SLC45A4: variants seen among roughly 807,000 people sequenced by gnomAD.
The protein encoded by SLC45A4 is polyamine-transporter SLC45A4.
In SLC45A4, 32 loss-of-function variants were observed where a neutral mutation model predicts 63.7. The ratio of observed to expected loss-of-function variants is 0.50; its 90% confidence interval spans 0.38 to 0.67. The LOEUF (loss-of-function observed/expected upper bound fraction) is 0.67. Among genes scored for constraint, SLC45A4 ranks in the 30% least tolerant of loss-of-function variants. SLC45A4 has a pLI of 0.00. For missense variants in SLC45A4, 1,027 were observed against 1,157.7 expected (o/e 0.89, Z 1.64); for synonymous variants, 535 against 510.0 (o/e 1.05, Z -0.66).
intron 4 of SLC45A4, 122 bp downstream of exon 4, chr8:141,219,528 C>T: frequency 8.0e-7 from 1 of 1,255,340 alleles, no homozygotes; most frequent in Non-Finnish European, 1.1e-6. Flanking sequence ...ACCCTGCCCA[C>T]TGCCTCAACC....
At chr8:141,280,295 C>G (rs1829886039) in intron 1 of SLC45A4, among the ~76,000 whole-genome samples, 1 of 152,186 alleles carries the variant, frequency 6.6e-6, no homozygotes, top group African/African-American at 2.4e-5. Flanking sequence ...TCCTGGATCC[C>G]TGATGGCCAG....
chr8:141,259,733 C>T (rs1563654129), intron 1 of SLC45A4, among the ~76,000 whole-genome samples: 1 of 152,200 alleles, frequency 6.6e-6, no homozygotes, highest in Non-Finnish European at 1.5e-5. Context: ...ACCCTCATCC[C>T]CCGCTTTCAT....
rs1047401674 is a variant in SLC45A4 at position 141,209,061 on chromosome 8, C to A, written c.*2511G>T. 6.5e-6 allele frequency: 1 copy of A among 152,680 alleles called. No homozygotes were observed. The highest frequency in any genetic ancestry group is 2.4e-5 in the African/African-American group (1 of 41,462). 9.5% of individuals were successfully genotyped at this position (152,680 alleles called of 1,614,324 possible). ...ACGAGCCCAACTCCAGCTGCGTCCTCAGCACTGGATGGCTGGCCAGCTTCC... is the reference window on the plus strand; with the variant it reads ...ACGAGCCCAACTCCAGCTGCGTCCTAAGCACTGGATGGCTGGCCAGCTTCC... On this transcript the variant is annotated 3_prime_UTR_variant, in exon 9 of 9. Coordinates refer to ENST00000517878, the MANE Select transcript of SLC45A4 (RefSeq NM_001286646.2).
chr8:141,299,238 C>G (rs1350567948), intron 1 of SLC45A4, among the ~76,000 whole-genome samples: 1 of 152,238 alleles, frequency 6.6e-6, no homozygotes, highest in Admixed American at 6.5e-5. Context: ...TCCCTGCACC[C>G]CACCCACAAC....
chr8:141,241,018 C>T (rs975978311), intron 2 of SLC45A4, among the ~76,000 whole-genome samples: 2 of 152,246 alleles, frequency 1.3e-5, no homozygotes, highest in African/African-American at 4.8e-5. Context: ...TCCCGCTCTC[C>T]CCGCTTTGGG....
chr8:141,259,460 C>T (rs1024943752), intron 1 of SLC45A4, among the ~76,000 whole-genome samples: 1 of 152,220 alleles, frequency 6.6e-6, no homozygotes, highest in Admixed American at 6.5e-5. Flanking sequence ...TGCACCCTTC[C>T]GTCTCTCCCC....
intron 1 of SLC45A4, among the ~76,000 whole-genome samples, chr8:141,273,408 G>C (rs1481209007): frequency 2.6e-5 from 4 of 152,164 alleles, no homozygotes; most frequent in Non-Finnish European, 4.4e-5. Flanking sequence ...AAAATCAAGC[G>C]CCAGTATCAA....
At position 141,213,894 on chromosome 8, in the gene SLC45A4, AG is replaced by A. The variant is rs777591332; in HGVS notation, c.1942-1339del. On this transcript the variant is annotated intron_variant, in intron 7 of 8. Coordinates refer to ENST00000517878, the MANE Select transcript of SLC45A4 (RefSeq NM_001286646.2). ...GTGCAGATGAAATGGACACATTCTC[AG>A]AAAAACACAAATTAAAGCATCATAC... is the stretch of plus-strand genomic sequence containing the variant. 3.0e-3 allele frequency among the ~76,000 whole-genome samples: 463 copies of A among 152,376 alleles called. 1 individual carries two copies. The highest frequency in any genetic ancestry group is 4.6e-3 in the Non-Finnish European group (310 of 68,040).
Position 141,254,129 on chromosome 8 carries a change from T to C in SLC45A4, c.101A>G (p.Glu34Gly). The change falls in exon 2 of 9, where the codon GAG (glutamate) becomes GGG (glycine). Residue 34 changes from glutamate to glycine, a missense_variant. Coordinates refer to ENST00000517878, the MANE Select transcript of SLC45A4 (RefSeq NM_001286646.2). The surrounding 1 kb of genome is among the most constrained non-coding windows in gnomAD (Gnocchi z 4.5). ...DPQKAGGAEA[E>G]NCETISEGSI... ...CCCCTCGCTGATGGTCTCGCAGTTCTCGGCCTCTGCGCCTCCGGCTTTCTG... is the reference window on the plus strand; with the variant it reads ...CCCCTCGCTGATGGTCTCGCAGTTCCCGGCCTCTGCGCCTCCGGCTTTCTG... The C allele has an allele frequency of 6.5e-7, 1 of 1,536,192 alleles. No homozygotes were observed. The highest frequency in any genetic ancestry group is 1.2e-5 in the South Asian group (1 of 84,064).
chr8:141,298,972 G>A lies in SLC45A4; in HGVS notation c.-401+9124C>T, dbSNP rs112404734. On this transcript the variant is annotated intron_variant, in intron 1 of 8. Coordinates refer to ENST00000517878, the MANE Select transcript of SLC45A4 (RefSeq NM_001286646.2). The stretch of plus-strand genomic sequence containing the variant: ...CAACTGCACTAGGCCGGCCGTATCC[G>A]GTGGCTCCTCTCCCTCACCAGTGCC... Among the ~76,000 whole-genome samples, 9 of 152,308 alleles carry A rather than the reference G, an allele frequency of 5.9e-5. 1 individual carries two copies. Among genetic ancestry groups the A allele is most frequent in the East Asian group, 1.9e-4 (1 of 5,184 alleles).
At chr8:141,246,643 G>A (rs548297571) in intron 2 of SLC45A4, among the ~76,000 whole-genome samples, 14 of 20,756 alleles carry the variant, frequency 6.7e-4, no homozygotes, top group Non-Finnish European at 1.3e-3. Flanking sequence ...AAGCCAAGGG[G>A]TGAAGGTCAC....
intron 1 of SLC45A4, among the ~76,000 whole-genome samples, chr8:141,299,602 G>C (rs182275855): frequency 7.5e-4 from 114 of 152,332 alleles, no homozygotes; most frequent in African/African-American, 2.6e-3. Context: ...GGCCCTGATG[G>C]GGGAGGACTT....
At chr8:141,294,458 A>G (rs990392896) in intron 1 of SLC45A4, among the ~76,000 whole-genome samples, 1 of 152,236 alleles carries the variant, frequency 6.6e-6, no homozygotes, top group African/African-American at 2.4e-5. Context: ...CACTGCAGGC[A>G]GATGGCCAGT....
rs533747424 is a variant in SLC45A4, at chr8:141,246,156, G to A, written c.241+7833C>T. On this transcript the variant is annotated intron_variant, in intron 2 of 8. Transcript: ENST00000517878. ...ACCTTCGTACCCCTTCTACCAAGAT[G>A]AGGATTGAGACAACGGGAAAAATTC... is the stretch of plus-strand genomic sequence containing the variant. Among the ~76,000 whole-genome samples the A allele has an allele frequency of 9.2e-5, 14 of 152,332 alleles. No homozygotes were observed. The South Asian group carries it at 1.4e-3, about 16-fold the overall frequency.
chr8:141,265,087 C>A (rs1216799736), intron 1 of SLC45A4, among the ~76,000 whole-genome samples: 1 of 152,220 alleles, frequency 6.6e-6, no homozygotes. Flanking sequence ...CAAACCATCA[C>A]CAAAATATGC....
rs545248500 is a variant in SLC45A4 at position 141,258,296 on chromosome 8, A to G, written c.-400-3667T>C. ...CCCCAGCCTCACTCTGCTCCGTGCCACCTAAACTGTCCAGTCCTGACTTAA... is the reference window on the plus strand; with the variant it reads ...CCCCAGCCTCACTCTGCTCCGTGCCGCCTAAACTGTCCAGTCCTGACTTAA... On this transcript the variant is annotated intron_variant, in intron 1 of 8. Transcript: ENST00000517878. Among the ~76,000 whole-genome samples, 5 of 151,928 alleles carry G rather than the reference A, an allele frequency of 3.3e-5. No individual in the cohort carries two copies. The South Asian group carries it at 8.3e-4, about 25-fold the overall frequency.
intron 1 of SLC45A4, among the ~76,000 whole-genome samples, chr8:141,306,014 C>G (rs909136165): frequency 1.3e-5 from 2 of 152,134 alleles, no homozygotes; most frequent in Non-Finnish European, 2.9e-5. Context: ...TGCTCCGCCC[C>G]TCCCCCACCC....
intron 1 of SLC45A4, among the ~76,000 whole-genome samples, chr8:141,297,817 T>G (rs953614142): frequency 6.6e-6 from 1 of 152,256 alleles, no homozygotes; most frequent in Admixed American, 6.5e-5. Flanking sequence ...ACTGTTCCAA[T>G]TTTATTTTAA....
Position 141,308,109 on chromosome 8 carries a change from C to A in SLC45A4, c.-414G>T, listed in dbSNP as rs1325038979. On this transcript the variant is annotated 5_prime_UTR_variant, in exon 1 of 9. Transcript: ENST00000517878. ...CAGGCCACTCACCTGTCTCCTCCGG[C>A]CGGGGCCGCGGGGGCGGCGGGGCGG... The A allele has an allele frequency of 6.8e-6, 1 of 148,004 alleles. No homozygotes were observed. The highest frequency in any genetic ancestry group is 6.7e-5 in the Admixed American group (1 of 14,868). 9.2% of individuals were successfully genotyped at this position (148,004 alleles called of 1,614,324 possible).
Sources: allele counts gnomAD v4.1 joint callset (sites outside exome capture counted in the v4.1 genomes callset), GRCh38; gene constraint gnomAD v4.1.1; non-coding constraint Gnocchi (gnomAD v3.1); transcripts MANE v1.5; gene names NCBI Gene and HGNC (gene_info 2026-07-23, HGNC 2026-07-21).